Variants in APRT observed in about 807,000 individuals in gnomAD.
The protein encoded by APRT is AMP diphosphorylase.
APRT carries 25 observed loss-of-function variants against 21.0 expected under a neutral mutation model. The ratio of observed to expected loss-of-function variants is 1.19; its 90% CI spans 0.87 to 1.66. The LOEUF (loss-of-function observed/expected upper bound fraction) is 1.66, where lower values mean the gene tolerates loss of function less well. Ranked by LOEUF, APRT falls within the 40% of genes most tolerant of loss-of-function variation. The pLI, the probability that APRT is intolerant of heterozygous loss-of-function variation, is 0.00. For missense variants in APRT, 294 were observed against 232.7 expected, an observed-to-expected ratio of 1.26 and a Z score of -1.72; for synonymous variants, 153 against 109.0, an observed-to-expected ratio of 1.40 and a Z score of -2.52.
intron 2 of APRT, 45 bp downstream of exon 2, chr16:88,811,505 C>T (rs752889157): frequency 9.2e-6 from 14 of 1,525,044 alleles, no homozygotes; most frequent in Non-Finnish European, 8.9e-7. Context: ...GCCCTCGGCG[C>T]GCGCAGAGGC....
In APRT at chr16:88,811,876, C is replaced by T; in HGVS notation, c.24G>A (p.Leu8=). Residue 8 remains leucine (L), a synonymous_variant, in exon 1 of 5, where the codon CTG becomes CTA. Transcript: ENST00000378364. ...GGAAGCTGCGGATCCGCTGCTCAAC[C>T]AGCTGCAGCTCGGAGTCGGCCATGG... MADSELQ[L]VEQRIRSFPD... 1 of 1,564,294 alleles carries T rather than the reference C, an allele frequency of 6.4e-7. No homozygotes were observed. Among genetic ancestry groups the T allele is most frequent in the Non-Finnish European group, 8.6e-7 (1 of 1,156,944 alleles).
rs1424372699 is a variant in APRT, at chr16:88,810,063, C to G, written c.400+7G>C. On this transcript the variant is annotated splice_region_variant and intron_variant, in intron 4 of 4. Coordinates refer to ENST00000378364, the MANE Select transcript of APRT (RefSeq NM_000485.3). ...GCCACAGCAGTTGGCTGCGGGGAGA[C>G]CCTTACCACCAGTGGCCAGCAGATC... 4.3e-6 allele frequency: 7 copies of G among 1,613,022 alleles called. No individual in the cohort carries two copies. Among genetic ancestry groups the G allele is most frequent in the South Asian group, 1.1e-5 (1 of 91,084 alleles).
intron 2 of APRT, 107 bp downstream of exon 2, chr16:88,811,443 C>G (rs1909133776): frequency 8.0e-6 from 10 of 1,254,346 alleles, no homozygotes; most frequent in Admixed American, 4.3e-5. Context: ...CCGGCGCCCC[C>G]TGAAGCACCC....
At position 88,811,639 on chromosome 16, in the gene APRT, A is replaced by G. The variant is rs1909145695; in HGVS notation, c.98T>C (p.Leu33Pro). 1.3e-6 allele frequency: 2 copies of G among 1,597,372 alleles called. No individual in the cohort carries two copies. Among genetic ancestry groups the G allele is most frequent in the Admixed American group, 1.7e-5 (1 of 58,510 alleles). ...GGCGCGGAAGGAGGCGGGGTCCTTC[A>G]GGACGGGCGAGATGTCCCTGGACCC... The part of the protein sequence containing the change: ...GVVFRDISPV[L>P]KDPASFRAAI... Residue 33 changes from leucine (L) to proline (P), a missense_variant, in exon 2 of 5, where the codon CTG becomes CCG. Transcript: ENST00000378364.
chr16:88,809,414 CTGGTGT>C lies in APRT; in HGVS notation c.*278_*283del, dbSNP rs928005600. The stretch of plus-strand genomic sequence containing the variant: ...CACATGCCCACAGTACAGCTGAAGT[CTGGTGT>C]TGTCCTGGGGCTCCCTGCCCTGGGG... On this transcript the variant is annotated 3_prime_UTR_variant, in exon 5 of 5. Transcript: ENST00000378364. The C allele has an allele frequency of 7.1e-6, 4 of 563,762 alleles. No homozygotes were observed. Among genetic ancestry groups the C allele is most frequent in the African/African-American group, 3.7e-5 (2 of 53,982 alleles). 34.9% of individuals were successfully genotyped at this position (563,762 alleles called of 1,614,324 possible).
chr16:88,809,688 G>A lies in APRT; in HGVS notation c.*10C>T. On this transcript the variant is annotated 3_prime_UTR_variant, in exon 5 of 5. Transcript: ENST00000378364. ...TCCAGCTGGAGATGTTGGGCTGGGA[G>A]GCCCTGTGGTCACTCATACTGCAGG... is the stretch of plus-strand genomic sequence containing the variant. 6.2e-7 allele frequency: 1 copy of A among 1,613,278 alleles called. No homozygotes were observed. The highest frequency in any genetic ancestry group is 1.7e-5 in the Admixed American group (1 of 60,020).
At position 88,809,708 on chromosome 16, in the gene APRT, T is replaced by G. The variant is rs1003586349; in HGVS notation, c.533A>C (p.Gln178Pro). 6.2e-7 allele frequency: 1 copy of G among 1,613,420 alleles called. No individual in the cohort carries two copies. Among genetic ancestry groups the G allele is most frequent in the South Asian group, 1.1e-5 (1 of 91,088 alleles). ...LAPVPFFSLL[Q>P]YE is the part of the protein sequence containing the mutation. ...TGGGAGGCCCTGTGGTCACTCATAC[T>G]GCAGGAGAGAGAAGAAGGGTACAGG... Residue 178 changes from glutamine (Q) to proline (P), a missense_variant, in exon 5 of 5, where the codon CAG becomes CCG. Transcript: ENST00000378364.
At chr16:88,810,042 C>G (rs139444461) in intron 4 of APRT, 28 bp downstream of exon 4, 2 of 1,611,234 alleles carry the variant, frequency 1.2e-6, no homozygotes, top group Non-Finnish European at 1.7e-6. Context: ...CTTGGAGCCA[C>G]AGCAGTTGGC....
Position 88,809,498 on chromosome 16 carries a change from C to A in APRT, c.*200G>T. ...GGGAAAGCTGTTTACTGCGTTCTCC[C>A]GCTGTGTGTAATTGGGTTCAGTGTG... On this transcript the variant is annotated 3_prime_UTR_variant, in exon 5 of 5. Transcript: ENST00000378364. 1 of 828,604 alleles carries A rather than the reference C, an allele frequency of 1.2e-6. No individual in the cohort carries two copies. The highest frequency in any genetic ancestry group is 1.4e-5 in the South Asian group (1 of 69,640). 51.3% of individuals were successfully genotyped at this position (828,604 alleles called of 1,614,324 possible).
In APRT at chr16:88,810,518, C is replaced by G; in HGVS notation, c.226G>C (p.Ala76Pro). Residue 76 changes from alanine (A) to proline (P), a missense_variant, in exon 3 of 5, where the codon GCC (alanine) becomes CCC (proline). Coordinates refer to ENST00000378364, the MANE Select transcript of APRT (RefSeq NM_000485.3). ...SRGFLFGPSL[A>P]QELGLGCVLI... ...ACGCAGCCCAGTCCAAGCTCCTGGGCCAGGGAGGGGCCAAAGAGGAAGCCT... is the reference window on the plus strand; with the variant it reads ...ACGCAGCCCAGTCCAAGCTCCTGGGGCAGGGAGGGGCCAAAGAGGAAGCCT... The G allele has an allele frequency of 1.9e-6, 3 of 1,612,230 alleles. No homozygotes were observed. The highest frequency in any genetic ancestry group is 2.5e-6 in the Non-Finnish European group (3 of 1,179,910).
Position 88,810,523 on chromosome 16 carries a change from G to A in APRT, c.221C>T (p.Ser74Phe). The A allele has an allele frequency of 6.2e-7, 1 of 1,612,260 alleles. No homozygotes were observed. The highest frequency in any genetic ancestry group is 8.5e-7 in the Non-Finnish European group (1 of 1,179,920). Residue 74 changes from serine to phenylalanine, a missense_variant, in exon 3 of 5, where the codon TCC (serine) becomes TTC (phenylalanine). Transcript: ENST00000378364. ...GCCCAGTCCAAGCTCCTGGGCCAGG[G>A]AGGGGCCAAAGAGGAAGCCTCGGGA... ...LDSRGFLFGPSLAQELGLGCV... is the reference protein window; with the variant it reads ...LDSRGFLFGPFLAQELGLGCV...
rs1374318049 is a variant in APRT at position 88,811,913 on chromosome 16, G to C, written c.-14C>G. ...GGAGTCGGCCATGGCCGCGTGCGAA[G>C]AGCCAGCGGCAGCCCGAGCGCGCCT... On this transcript the variant is annotated 5_prime_UTR_variant, in exon 1 of 5. Transcript: ENST00000378364. 3.2e-6 allele frequency: 5 copies of C among 1,542,314 alleles called. No homozygotes were observed. Among genetic ancestry groups the C allele is most frequent in the Admixed American group, 3.9e-5 (2 of 51,114 alleles).
chr16:88,809,608 G>A lies in APRT; in HGVS notation c.*90C>T. 6.3e-7 allele frequency: 1 copy of A among 1,578,672 alleles called. No homozygotes were observed. Among genetic ancestry groups the A allele is most frequent in the Non-Finnish European group, 8.7e-7 (1 of 1,151,360 alleles). On this transcript the variant is annotated 3_prime_UTR_variant, in exon 5 of 5. Transcript: ENST00000378364. ...CCCAGCAAAGGAATGTGTTCCCTGT[G>A]GGCAGCCGGTGCCCCTGGTCACTGC...
Position 88,810,409 on chromosome 16 carries a change from C to A in APRT, c.321+14G>T, listed in dbSNP as rs1401240495. ...CTGGCCCTGCCCTTCCTCTGGCCAC[C>A]CCAGCCCTCTTACCTTCCCGTACTC... On this transcript the variant is annotated intron_variant, in intron 3 of 4. Coordinates refer to ENST00000378364, the MANE Select transcript of APRT (RefSeq NM_000485.3). 1.9e-6 allele frequency: 3 copies of A among 1,610,972 alleles called. No individual in the cohort carries two copies. The highest frequency in any genetic ancestry group is 1.3e-5 in the African/African-American group (1 of 74,924).
chr16:88,811,574 C>A lies in APRT; in HGVS notation c.163G>T (p.Gly55Trp), dbSNP rs759938204. 2 of 1,601,024 alleles carry A rather than the reference C, an allele frequency of 1.2e-6. No homozygotes were observed. Among genetic ancestry groups the A allele is most frequent in the South Asian group, 2.2e-5 (2 of 89,070 alleles). ...CCTGCGATGTAGTCGATGCGGCCCC[C>A]GTGGGTCGCCTTCAGGTGTCGCGCC... is the stretch of plus-strand genomic sequence containing the variant. Reference protein sequence around the residue: ...LLARHLKATHGGRIDYIAGLD... With the variant: ...LLARHLKATHWGRIDYIAGLD... Residue 55 changes from glycine to tryptophan, a missense_variant, in exon 2 of 5, where the codon GGG becomes TGG. Transcript: ENST00000378364.
Position 88,811,915 on chromosome 16 carries a change from G to A in APRT, c.-16C>T. 1.3e-6 allele frequency: 2 copies of A among 1,539,158 alleles called. No homozygotes were observed. The highest frequency in any genetic ancestry group is 1.2e-5 in the South Asian group (1 of 83,572). ...AGTCGGCCATGGCCGCGTGCGAAGA[G>A]CCAGCGGCAGCCCGAGCGCGCCTGC... On this transcript the variant is annotated 5_prime_UTR_variant, in exon 1 of 5. Transcript: ENST00000378364.
chr16:88,809,933 G>A (rs1909048055), intron 4 of APRT, 93 bp from the exon 5 acceptor site: 1 of 1,578,956 alleles, frequency 6.3e-7, no homozygotes, highest in African/African-American at 1.3e-5. Context: ...GAAGGCATGG[G>A]GAGAGGAAGG....
At chr16:88,810,220 C>T in intron 3 of APRT, 72 bp from the exon 4 acceptor site, 2 of 1,553,176 alleles carry the variant, frequency 1.3e-6, no homozygotes, top group Admixed American at 1.7e-5. Flanking sequence ...TTGGCAGCTG[C>T]CACCCTAGAC....
At chr16:88,810,267 GT>G (rs1909068554) in intron 3 of APRT, 119 bp from the exon 4 acceptor site, 12 of 1,489,526 alleles carry the variant, frequency 8.1e-6, no homozygotes, top group Non-Finnish European at 1.1e-5. Context: ...ACCTGGCTGT[GT>G]GAGCCCAGCC....
Sources: allele counts gnomAD v4.1 joint callset, GRCh38; gene constraint gnomAD v4.1.1; transcripts MANE v1.5; gene names NCBI Gene and HGNC (gene_info 2026-07-23, HGNC 2026-07-21).